SIMC1: variants seen among roughly 807,000 people sequenced by gnomAD.
The protein encoded by SIMC1 is SUMO-interacting motif-containing protein 1.
A neutral mutation model predicts 82.3 loss-of-function variants in SIMC1; 55 were observed. That is an observed-to-expected ratio of 0.67 (90% CI 0.54 to 0.84). The LOEUF (loss-of-function observed/expected upper bound fraction) is 0.84. SIMC1 is among the 40% of genes least tolerant of loss of function. SIMC1 has a pLI of 0.00. For synonymous variants in SIMC1, 353 were observed against 426.3 expected, an observed-to-expected ratio of 0.83 and a Z score of 2.12; for missense variants, 915 against 1,107.2, an observed-to-expected ratio of 0.83 and a Z score of 2.46.
At chr5:176,307,654 C>T (rs1181850417) in intron 4 of SIMC1, among the ~76,000 whole-genome samples, 1 of 152,126 alleles carries the variant, frequency 6.6e-6, no homozygotes, top group African/African-American at 2.4e-5. Context: ...CCTGCCTCGG[C>T]CTCCCAAAGT....
chr5:176,335,906 A>T (rs1218830154), intron 7 of SIMC1, among the ~76,000 whole-genome samples: 1 of 151,984 alleles, frequency 6.6e-6, no homozygotes, highest in Non-Finnish European at 1.5e-5. Context: ...AGCCAGGGAC[A>T]GTGGCACACT....
intron 4 of SIMC1, among the ~76,000 whole-genome samples, chr5:176,300,038 A>G (rs908530249): frequency 1.3e-5 from 2 of 152,214 alleles, no homozygotes; most frequent in African/African-American, 4.8e-5. Flanking sequence ...GAGAAAAAAA[A>G]TCTCATGGGA....
At chr5:176,344,468 TACAC>T (rs57991528) in intron 9 of SIMC1, among the ~76,000 whole-genome samples, 22,336 of 145,808 alleles carry the variant, frequency 0.15, 2,568 homozygotes, top group African/African-American at 0.33. Context: ...GTCAGGAGTA[TACAC>T]ACACACACAC....
chr5:176,279,805 G>C lies in SIMC1; in HGVS notation c.130-9849G>C, dbSNP rs1311691472. ...AGTTTTGAGTGAGATTCTTAATCCT[G>C]AGTTCTAGTTTGATTGCACTGTGGT... On this transcript the variant is annotated intron_variant, in intron 1 of 9. Coordinates refer to ENST00000429602, the MANE Select transcript of SIMC1 (RefSeq NM_001308195.2). Among the ~76,000 whole-genome samples the C allele has an allele frequency of 2.0e-5, 3 of 152,012 alleles. No homozygotes were observed. The East Asian group carries it at 5.8e-4, about 29-fold the overall frequency.
At chr5:176,288,587 G>GA (rs1763401080) in intron 1 of SIMC1, among the ~76,000 whole-genome samples, 1 of 152,160 alleles carries the variant, frequency 6.6e-6, no homozygotes, top group African/African-American at 2.4e-5. Flanking sequence ...CAAAGGTGGT[G>GA]ATACTATATG....
At chr5:176,292,703 C>G (rs937743541) in intron 2 of SIMC1, among the ~76,000 whole-genome samples, 1 of 152,132 alleles carries the variant, frequency 6.6e-6, no homozygotes, top group South Asian at 2.1e-4. Context: ...GCTACCACTT[C>G]CGGCTTTTTG....
intron 9 of SIMC1, among the ~76,000 whole-genome samples, chr5:176,339,075 C>T (rs1457703593): frequency 1.3e-5 from 2 of 152,094 alleles, no homozygotes; most frequent in Non-Finnish European, 2.9e-5. Context: ...TAAAAGAGTA[C>T]ATTGTCGGCC....
At chr5:176,327,202 C>G (rs1028896446) in intron 7 of SIMC1, among the ~76,000 whole-genome samples, 1 of 152,174 alleles carries the variant, frequency 6.6e-6, no homozygotes, top group South Asian at 2.1e-4. Flanking sequence ...ATGATTTATA[C>G]AAAACCTGGC....
At chr5:176,312,202 G>A (rs1394916711) in intron 4 of SIMC1, among the ~76,000 whole-genome samples, 2 of 152,172 alleles carry the variant, frequency 1.3e-5, no homozygotes, top group Non-Finnish European at 2.9e-5. Flanking sequence ...ACAAGTAGTG[G>A]TGGAGAGTGG....
At chr5:176,337,194 C>CATTT (rs769331787) in intron 9 of SIMC1, 48 bp downstream of exon 9, 2 of 1,441,834 alleles carry the variant, frequency 1.4e-6, no homozygotes, top group Non-Finnish European at 2.0e-6. Context: ...TCTCAATGGA[C>CATTT]ATTTGTATTA....
chr5:176,321,335 C>T (rs1004386287), intron 5 of SIMC1, among the ~76,000 whole-genome samples: 1 of 151,214 alleles, frequency 6.6e-6, no homozygotes, highest in Non-Finnish European at 1.5e-5. Context: ...CTTCATTTGC[C>T]TTCCACCTTT....
In SIMC1 at chr5:176,242,579, T is replaced by G. The variant is rs929593138; in HGVS notation, c.129+3942T>G. 5.3e-5 allele frequency among the ~76,000 whole-genome samples: 8 copies of G among 152,062 alleles called. 1 individual carries two copies. Among genetic ancestry groups the G allele is most frequent in the African/African-American group, 1.9e-4 (8 of 41,296 alleles). On this transcript the variant is annotated intron_variant, in intron 1 of 9. Transcript: ENST00000429602. ...TAAATCGCCAAAAAATTTTCCAATATATTTATTGAAAAAAACTCTCTTGTA... is the reference window on the plus strand; with the variant it reads ...TAAATCGCCAAAAAATTTTCCAATAGATTTATTGAAAAAAACTCTCTTGTA...
intron 1 of SIMC1, among the ~76,000 whole-genome samples, chr5:176,243,055 G>T (rs574502646): frequency 6.6e-6 from 1 of 152,086 alleles, no homozygotes; most frequent in Non-Finnish European, 1.5e-5. Context: ...TTGAGCATAT[G>T]CTGTAACCCT....
chr5:176,295,823 T>A (rs868628436), intron 3 of SIMC1, among the ~76,000 whole-genome samples: 1 of 151,974 alleles, frequency 6.6e-6, no homozygotes, highest in Admixed American at 6.6e-5. Context: ...GTCTGCTTCC[T>A]TTATAGTCAC....
At chr5:176,336,931 C>T (rs1765925769) in intron 8 of SIMC1, 55 bp downstream of exon 8, 2 of 1,606,336 alleles carry the variant, frequency 1.2e-6, no homozygotes, top group Non-Finnish European at 1.7e-6. Context: ...TGCTCTAGGC[C>T]CGAACCCTTC....
At chr5:176,253,745 T>G (rs1761765908) in intron 1 of SIMC1, among the ~76,000 whole-genome samples, 1 of 152,244 alleles carries the variant, frequency 6.6e-6, no homozygotes, top group Admixed American at 6.5e-5. Context: ...CACCTCAAAG[T>G]GCTGGGCCAG....
chr5:176,290,756 T>C lies in SIMC1; in HGVS notation c.1232T>C (p.Leu411Pro), dbSNP rs759705982. ...SETPLEKVPW[L>P]SVMETPARKE... ...ACTCCCTTAGAGAAAGTTCCTTGGC[T>C]CTCTGTCATGGAAACCCCAGCCAGA... The change falls in exon 2 of 10, where the codon CTC becomes CCC. Residue 411 changes from leucine to proline, a missense_variant. Physicochemically the swap from Leu to Pro is moderately conservative, Grantham distance 98. Transcript: ENST00000429602. The C allele has an allele frequency of 6.2e-7, 1 of 1,613,002 alleles. No homozygotes were observed. Among genetic ancestry groups the C allele is most frequent in the Non-Finnish European group, 8.5e-7 (1 of 1,179,388 alleles).
At chr5:176,303,482 C>T (rs567111228) in intron 4 of SIMC1, among the ~76,000 whole-genome samples, 15 of 152,128 alleles carry the variant, frequency 9.9e-5, no homozygotes, top group South Asian at 4.1e-4. Flanking sequence ...CCACCATGCC[C>T]GGCTAATTTT....
intron 1 of SIMC1, among the ~76,000 whole-genome samples, chr5:176,242,149 A>C (rs1172472104): frequency 6.6e-6 from 1 of 152,124 alleles, no homozygotes; most frequent in African/African-American, 2.4e-5. Flanking sequence ...TTTTAAGTGG[A>C]TCCTCACAAC....
Sources: gnomAD v4.1 joint callset for allele counts (sites outside exome capture counted in the v4.1 genomes callset) on GRCh38, gnomAD v4.1.1 for gene constraint, MANE v1.5 for transcripts, NCBI Gene and HGNC (gene_info 2026-07-23, HGNC 2026-07-21) for gene names.